The following AGBL2 variants were observed in gnomAD, a reference collection of about 807,000 sequenced individuals.
AGBL2 encodes AGBL carboxypeptidase 2.
A neutral mutation model predicts 103.0 loss-of-function variants in AGBL2; 87 were observed. That is an observed-to-expected ratio of 0.84 (90% CI 0.71 to 1.01). The LOEUF (loss-of-function observed/expected upper bound fraction) is 1.01, where lower values mean the gene tolerates loss of function less well. Among genes scored for constraint, AGBL2 ranks in the 50% least tolerant of loss-of-function variants. The probability of loss-of-function intolerance (pLI) is 0.00; values close to 1 mark genes in which losing one functional copy is unlikely to be tolerated. For synonymous variants in AGBL2, 335 were observed against 356.7 expected, an observed-to-expected ratio of 0.94 and a Z score of 0.69; for missense variants, 904 against 1,023.5, an observed-to-expected ratio of 0.88 and a Z score of 1.59.
At chr11:47,684,656 G>A (rs1226894766) in intron 11 of AGBL2, among the ~76,000 whole-genome samples, 1 of 151,948 alleles carries the variant, frequency 6.6e-6, no homozygotes, top group East Asian at 1.9e-4. Flanking sequence ...ACATTTTGTG[G>A]ATCTATTTAT....
intron 7 of AGBL2, among the ~76,000 whole-genome samples, chr11:47,703,477 T>C (rs1341282867): frequency 6.6e-6 from 1 of 152,204 alleles, no homozygotes; most frequent in African/African-American, 2.4e-5. Flanking sequence ...AGTTTAATTT[T>C]TTCCAGGGTG....
At chr11:47,662,299 G>A (rs1191291535) in intron 18 of AGBL2, among the ~76,000 whole-genome samples, 1 of 143,924 alleles carries the variant, frequency 6.9e-6, no homozygotes, top group South Asian at 2.3e-4. Flanking sequence ...TCAGCCTCCC[G>A]AGTAGCTGGG....
At chr11:47,679,502 G>A (rs2097393007) in intron 13 of AGBL2, among the ~76,000 whole-genome samples, 1 of 152,090 alleles carries the variant, frequency 6.6e-6, no homozygotes, top group African/African-American at 2.4e-5. Context: ...CTTACCATTT[G>A]TAGACAGTAT....
intron 14 of AGBL2, among the ~76,000 whole-genome samples, chr11:47,670,925 G>A (rs1178006067): frequency 2.0e-5 from 3 of 151,766 alleles, no homozygotes. Context: ...AGCTCAGGAG[G>A]TTGAGGCTAT....
chr11:47,677,245 AC>A, intron 14 of AGBL2, 25 bp downstream of exon 14: 1 of 1,565,108 alleles, frequency 6.4e-7, no homozygotes. Flanking sequence ...TTAAAAAAAA[AC>A]AAAACTCTGT....
chr11:47,677,296 T>C lies in AGBL2; in HGVS notation c.2122A>G (p.Ile708Val), dbSNP rs759715585. 1 of 1,598,838 alleles carries C rather than the reference T, an allele frequency of 6.3e-7. No homozygotes were observed. Among genetic ancestry groups the C allele is most frequent in the Non-Finnish European group, 8.5e-7 (1 of 1,175,668 alleles). The change falls in exon 14 of 19, where the codon ATC becomes GTC. Residue 708 changes from isoleucine (I) to valine (V), a missense_variant. Physicochemically the swap from Ile to Val is conservative, Grantham distance 29 (BLOSUM62 3). Coordinates refer to ENST00000525123, the MANE Select transcript of AGBL2 (RefSeq NM_024783.4). ...DVDLEGSWSD[I>V]SLSDIESSTS... ...CTGGATTCAATGTCAGACAAAGAGA[T>C]GTCACTCCAACTTCCTTCTAAATCT...
intron 16 of AGBL2, 39 bp from the exon 17 acceptor site, chr11:47,667,102 T>A: frequency 7.3e-7 from 1 of 1,368,230 alleles, no homozygotes; most frequent in Non-Finnish European, 1.0e-6. Context: ...TCAATTGATC[T>A]ATTCAAAATT....
Position 47,714,938 on chromosome 11 carries a change from G to A in AGBL2, c.-100-188C>T, listed in dbSNP as rs1349695385. The A allele has an allele frequency of 8.9e-6, 4 of 450,198 alleles. No individual in the cohort carries two copies. In the East Asian group the frequency reaches 1.7e-4, roughly 20 times the overall value. 27.9% of individuals were successfully genotyped at this position (450,198 alleles called of 1,614,324 possible). ...TATCTTCCCGCTTCTTCTTCCCAAG[G>A]TGCTGGCCCCATGCTTCCCTTTCCC... On this transcript the variant is annotated intron_variant, in intron 1 of 18. Coordinates refer to ENST00000525123, the MANE Select transcript of AGBL2 (RefSeq NM_024783.4).
At chr11:47,671,759 C>G (rs1311935532) in intron 14 of AGBL2, among the ~76,000 whole-genome samples, 5 of 152,186 alleles carry the variant, frequency 3.3e-5, no homozygotes, top group Non-Finnish European at 7.3e-5. Flanking sequence ...AGGTGTTTTT[C>G]TAGTCAAGGA....
At chr11:47,676,941 C>T (rs750984915) in intron 14 of AGBL2, among the ~76,000 whole-genome samples, 1 of 152,132 alleles carries the variant, frequency 6.6e-6, no homozygotes, top group East Asian at 1.9e-4. Context: ...CCTACAAGGC[C>T]CTACACAAAC....
chr11:47,684,555 CAA>C (rs1251965970), intron 11 of AGBL2, among the ~76,000 whole-genome samples: 3 of 100,248 alleles, frequency 3.0e-5, no homozygotes, highest in Admixed American at 1.0e-4. Flanking sequence ...GACTCTGTCT[CAA>C]AAAAAAAAAA....
rs1301234058 is a variant in AGBL2, at chr11:47,674,610, T to C, written c.2147+2661A>G. On this transcript the variant is annotated intron_variant, in intron 14 of 18. Coordinates refer to ENST00000525123, the MANE Select transcript of AGBL2 (RefSeq NM_024783.4). ...AGGGTTAGGGTGGAGGCCATAGAGG[T>C]ATCAGGAGGCTTATAGCCTTATAGG... Among the ~76,000 whole-genome samples, 4 of 149,842 alleles carry C rather than the reference T, an allele frequency of 2.7e-5. No homozygotes were observed. The East Asian group carries it at 7.8e-4, about 29-fold the overall frequency.
chr11:47,707,275 C>T (rs1254739708), intron 4 of AGBL2, among the ~76,000 whole-genome samples: 1 of 152,178 alleles, frequency 6.6e-6, no homozygotes, highest in Non-Finnish European at 1.5e-5. Flanking sequence ...GGGTAAATTA[C>T]TGTTTTAATT....
At chr11:47,688,919 A>T (rs1416480255) in intron 10 of AGBL2, among the ~76,000 whole-genome samples, 1 of 152,032 alleles carries the variant, frequency 6.6e-6, no homozygotes, top group Non-Finnish European at 1.5e-5. Flanking sequence ...TATTTTTAGT[A>T]GAGACGAGGT....
intron 10 of AGBL2, among the ~76,000 whole-genome samples, chr11:47,686,871 A>C (rs2097425785): frequency 1.3e-5 from 2 of 150,502 alleles, no homozygotes; most frequent in African/African-American, 4.9e-5. Flanking sequence ...AGGCAGGAGA[A>C]TCACTTGAAC....
At chr11:47,672,761 G>A (rs952892541) in intron 14 of AGBL2, among the ~76,000 whole-genome samples, 1 of 152,160 alleles carries the variant, frequency 6.6e-6, no homozygotes, top group Non-Finnish European at 1.5e-5. Flanking sequence ...GGTCCCCAAA[G>A]AAATATTTGT....
At chr11:47,662,228 C>T (rs891840355) in intron 18 of AGBL2, among the ~76,000 whole-genome samples, 1 of 151,970 alleles carries the variant, frequency 6.6e-6, no homozygotes, top group Admixed American at 6.6e-5. Flanking sequence ...GGCTGGAGTG[C>T]CGTGGTGCAA....
intron 13 of AGBL2, among the ~76,000 whole-genome samples, chr11:47,677,738 C>A (rs147131591): frequency 0.013 from 1,987 of 152,260 alleles, 45 homozygotes; most frequent in African/African-American, 0.045. Context: ...CAGGCGTGAG[C>A]CATCATGCCT....
intron 11 of AGBL2, among the ~76,000 whole-genome samples, chr11:47,682,303 GTT>G (rs200523962): frequency 0.092 from 13,949 of 152,154 alleles, 799 homozygotes; most frequent in Non-Finnish European, 0.13. Context: ...GAGATGAAGG[GTT>G]AACAAAACTA....
Sources: allele counts gnomAD v4.1 joint callset (sites outside exome capture counted in the v4.1 genomes callset), GRCh38; gene constraint gnomAD v4.1.1; transcripts MANE v1.5; gene names NCBI Gene and HGNC (gene_info 2026-07-23, HGNC 2026-07-21).